The following FUT8 variants were observed in gnomAD, a reference collection of about 807,000 sequenced individuals.
FUT8 encodes the protein alpha-(1,6)-fucosyltransferase.
Under a neutral mutation model 71.3 loss-of-function variants are expected in FUT8, and 29 were observed. The ratio of observed to expected loss-of-function variants is 0.41; its 90% CI spans 0.30 to 0.55. The LOEUF is 0.55. Among genes scored for constraint, FUT8 ranks in the 20% least tolerant of loss-of-function variants. The pLI, the probability that FUT8 is intolerant of heterozygous loss-of-function variation, is 0.34. For missense variants in FUT8, 544 were observed against 702.1 expected (o/e 0.77, Z 2.55); for synonymous variants, 254 against 239.3 (o/e 1.06, Z -0.57).
At chr14:65,425,212 C>T (rs1003791498) in intron 1 of FUT8, among the ~76,000 whole-genome samples, 1 of 151,176 alleles carries the variant, frequency 6.6e-6, no homozygotes, top group Non-Finnish European at 1.5e-5. Flanking sequence ...GTTGCCCAGG[C>T]TGGAGTGCAA....
At chr14:65,639,361 G>C (rs1455121785) in intron 6 of FUT8, among the ~76,000 whole-genome samples, 1 of 152,082 alleles carries the variant, frequency 6.6e-6, no homozygotes, top group Non-Finnish European at 1.5e-5. Flanking sequence ...TAGTTCATTG[G>C]TGCATTCATT....
chr14:65,526,220 G>A (rs1169824587), intron 2 of FUT8, among the ~76,000 whole-genome samples: 1 of 152,080 alleles, frequency 6.6e-6, no homozygotes, highest in Non-Finnish European at 1.5e-5. Flanking sequence ...GGTCTCTAAG[G>A]ACTTGCTTTA....
intron 7 of FUT8, among the ~76,000 whole-genome samples, chr14:65,706,623 T>C (rs1894569808): frequency 6.6e-6 from 1 of 152,162 alleles, no homozygotes; most frequent in Non-Finnish European, 1.5e-5. Flanking sequence ...GAGGGCCTGC[T>C]TCCTTATGGG....
the FUT8 span, among the ~76,000 whole-genome samples, chr14:65,371,089 T>G: frequency 6.6e-6 from 1 of 152,210 alleles, no homozygotes; most frequent in African/African-American, 2.4e-5. Context: ...AATCTTCTTT[T>G]AGTCAAATGG....
chr14:65,629,410 T>C, intron 5 of FUT8, 82 bp from the exon 6 acceptor site: 1 of 783,822 alleles, frequency 1.3e-6, no homozygotes, highest in South Asian at 1.7e-5. Context: ...TTATGAGGAA[T>C]CTGGCATTCT....
At chr14:65,713,406 A>G (rs1400637426) in intron 7 of FUT8, among the ~76,000 whole-genome samples, 1 of 152,198 alleles carries the variant, frequency 6.6e-6, no homozygotes, top group African/African-American at 2.4e-5. Flanking sequence ...CTTTCTTTTG[A>G]GCATATACCC....
At chr14:65,543,164 A>G (rs1385690643) in intron 2 of FUT8, among the ~76,000 whole-genome samples, 1 of 152,190 alleles carries the variant, frequency 6.6e-6, no homozygotes, top group East Asian at 1.9e-4. Flanking sequence ...CAGCTTATCA[A>G]GAGTTGATTT....
intron 2 of FUT8, among the ~76,000 whole-genome samples, chr14:65,463,323 C>T (rs1251258407): frequency 6.6e-6 from 1 of 152,036 alleles, no homozygotes; most frequent in Non-Finnish European, 1.5e-5. Context: ...CTGGAGTGCA[C>T]TGGCGCAGTC....
Position 65,611,193 on chromosome 14 carries a change from ACACACGCGCGCG to A in FUT8, c.204-4783_204-4772del, listed in dbSNP as rs1343060443. Among the ~76,000 whole-genome samples, 13 of 3,422 alleles carry A rather than the reference ACACACGCGCGCG, an allele frequency of 3.8e-3. 1 individual carries two copies. The highest frequency in any genetic ancestry group is 0.011 in the African/African-American group (13 of 1,194). 2.2% of individuals were successfully genotyped at this position (3,422 alleles called of 152,430 possible). ...TACATTTTAAGTGTCATACACACAC[ACACACGCGCGCG>A]CGCGCGCGCGCGCGCGCGCACACAC... is the stretch of plus-strand genomic sequence containing the variant. On this transcript the variant is annotated intron_variant, in intron 3 of 10. Coordinates refer to ENST00000673929, the MANE Select transcript of FUT8 (RefSeq NM_001371533.1).
chr14:65,393,349 G>A, the FUT8 span, among the ~76,000 whole-genome samples: 1 of 152,206 alleles, frequency 6.6e-6, no homozygotes, highest in Non-Finnish European at 1.5e-5. Context: ...ATTCTGTGCT[G>A]TGGAAATTGT....
rs1364458829 is a variant in FUT8 at position 65,743,148 on chromosome 14, TAA to T, written c.*740_*741del. On this transcript the variant is annotated 3_prime_UTR_variant, in exon 11 of 11. Transcript: ENST00000673929. ...AAATAAATTTTAAAAAGGAATTTTGTAAAGTTTCTAGAATTTTATATCATTGG... is the reference window on the plus strand; with the variant it reads ...AAATAAATTTTAAAAAGGAATTTTGTAGTTTCTAGAATTTTATATCATTGG... 6.6e-6 allele frequency: 1 copy of T among 152,370 alleles called. No individual in the cohort carries two copies. The highest frequency in any genetic ancestry group is 2.1e-4 in the South Asian group (1 of 4,826). The allele number at this position is 152,370 out of a possible 1,614,324, so 9.4% of individuals were successfully genotyped here.
At chr14:65,512,879 G>C (rs1430839977) in intron 2 of FUT8, among the ~76,000 whole-genome samples, 2 of 142,624 alleles carry the variant, frequency 1.4e-5, no homozygotes, top group Non-Finnish European at 3.0e-5. Context: ...CTGCACTCCA[G>C]CCTGGGCGAC....
intron 2 of FUT8, among the ~76,000 whole-genome samples, chr14:65,465,156 A>C (rs1372588969): frequency 1.3e-5 from 2 of 151,866 alleles, no homozygotes; most frequent in African/African-American, 4.8e-5. Flanking sequence ...TCCTGTTTTC[A>C]ATTTTGCTCT....
chr14:65,596,879 A>G (rs1051902867), intron 3 of FUT8, among the ~76,000 whole-genome samples: 1 of 152,242 alleles, frequency 6.6e-6, no homozygotes, highest in Non-Finnish European at 1.5e-5. Flanking sequence ...GACTGTAGAC[A>G]TCCTAGTTAG....
chr14:65,573,534 C>T (rs149465301), intron 3 of FUT8, among the ~76,000 whole-genome samples: 7 of 151,960 alleles, frequency 4.6e-5, no homozygotes, highest in East Asian at 3.9e-4. Context: ...CAAAGCTTAG[C>T]GAAAGGCACT....
At chr14:65,482,853 T>G (rs925992184) in intron 2 of FUT8, among the ~76,000 whole-genome samples, 1 of 152,300 alleles carries the variant, frequency 6.6e-6, no homozygotes, top group Non-Finnish European at 1.5e-5. Context: ...AGAGAAGTTT[T>G]GCTTGTTCGT....
At chr14:65,374,550 C>G in the FUT8 span, among the ~76,000 whole-genome samples, 1 of 151,852 alleles carries the variant, frequency 6.6e-6, no homozygotes, top group Non-Finnish European at 1.5e-5. Flanking sequence ...GACAGCTGGA[C>G]TAGTGTGCCT....
intron 2 of FUT8, among the ~76,000 whole-genome samples, chr14:65,466,216 G>A (rs540878685): frequency 3.1e-4 from 47 of 152,052 alleles, no homozygotes; most frequent in Non-Finnish European, 5.1e-4. Context: ...GGGTCTTGTC[G>A]TTTGATTTGC....
At chr14:65,505,015 G>T (rs2139787389) in intron 2 of FUT8, among the ~76,000 whole-genome samples, 1 of 152,292 alleles carries the variant, frequency 6.6e-6, no homozygotes, top group African/African-American at 2.4e-5. Flanking sequence ...TATTCTTACT[G>T]AGACTACATT....
Sources: allele counts gnomAD v4.1 joint callset (sites outside exome capture counted in the v4.1 genomes callset), GRCh38; gene constraint gnomAD v4.1.1; transcripts MANE v1.5; gene names NCBI Gene and HGNC (gene_info 2026-07-23, HGNC 2026-07-21).